Variants in RBM44 observed in about 807,000 individuals in gnomAD.
The protein encoded by RBM44 is RNA-binding protein 44.
Under a neutral mutation model 105.1 loss-of-function variants are expected in RBM44, and 66 were observed. The observed-to-expected ratio is 0.63, with a 90% CI of 0.52 to 0.77. The LOEUF is 0.77. Ranked by LOEUF, RBM44 falls within the 30% of genes least tolerant of loss-of-function variation. The probability of loss-of-function intolerance (pLI) is 0.00; values close to 1 mark genes in which losing one functional copy is unlikely to be tolerated. For synonymous variants in RBM44, 365 were observed against 417.6 expected (o/e 0.87, Z 1.54); for missense variants, 1,122 against 1,207.8 (o/e 0.93, Z 1.05).
chr2:237,817,474 G>T lies in RBM44; in HGVS notation c.555G>T (p.Gln185His). The change falls in exon 3 of 16, where the codon CAG (glutamine) becomes CAT (histidine). Residue 185 changes from glutamine to histidine, a missense_variant. Around this residue, in one of 3 missense-constraint regions of RBM44, gnomAD observed 918 missense variants for 955.3 expected, o/e 0.96. Transcript: ENST00000316997. ...AGCATGATACAGATGAAGACTCACA[G>T]CAGGAATATCACAGTGCAGAAGAAC... Reference protein sequence around the residue: ...TQKHDTDEDSQQEYHSAEEQE... With the variant: ...TQKHDTDEDSHQEYHSAEEQE... 1 of 1,602,612 alleles carries T rather than the reference G, an allele frequency of 6.2e-7. No individual in the cohort carries two copies. The highest frequency in any genetic ancestry group is 8.5e-7 in the Non-Finnish European group (1 of 1,173,774).
At chr2:237,821,505 C>A in intron 7 of RBM44, 137 bp downstream of exon 7, 1 of 784,688 alleles carries the variant, frequency 1.3e-6, no homozygotes, top group Non-Finnish European at 2.1e-6. Flanking sequence ...TTTTTCTTGA[C>A]ATTTAATATT....
Position 237,827,239 on chromosome 2 carries a change from T to C in RBM44, c.2450-11T>C. 1 of 1,459,402 alleles carries C rather than the reference T, an allele frequency of 6.9e-7. No individual in the cohort carries two copies. The highest frequency in any genetic ancestry group is 9.5e-7 in the Non-Finnish European group (1 of 1,055,400). 90.4% of individuals were successfully genotyped at this position (1,459,402 alleles called of 1,614,324 possible). A position where few individuals can be genotyped will look rare whatever the true frequency, so the allele number is the denominator to read the frequency against. On this transcript the variant is annotated splice_polypyrimidine_tract_variant and intron_variant, in intron 10 of 15. Transcript: ENST00000316997. ...AAAGATCATTTCTGTTACATGTTTT[T>C]CTCTAAGCAGAAATGAAGAATGTTG...
intron 1 of RBM44, among the ~76,000 whole-genome samples, chr2:237,805,045 G>A (rs2061584856): frequency 6.6e-6 from 1 of 152,140 alleles, no homozygotes; most frequent in African/African-American, 2.4e-5. Flanking sequence ...AGGAAGAGAG[G>A]AAGTCAAACT....
rs952941233 is a variant in RBM44, at chr2:237,803,643, A to G, written c.-19+4782A>G. ...AGTTTCTTAATTTTGCTGAATCCCA[A>G]TCAACAACTTTTAAATCAACACCTT... On this transcript the variant is annotated intron_variant, in intron 1 of 15. Transcript: ENST00000316997. This position sits in a 1 kb window ranked among gnomAD's most constrained non-coding sequence, Gnocchi z 4.2. 2.0e-5 allele frequency among the ~76,000 whole-genome samples: 3 copies of G among 152,172 alleles called. No homozygotes were observed. Among genetic ancestry groups the G allele is most frequent in the African/African-American group, 4.8e-5 (2 of 41,442 alleles).
At chr2:237,836,781 A>G (rs76681855) in intron 15 of RBM44, among the ~76,000 whole-genome samples, 1 of 148,746 alleles carries the variant, frequency 6.7e-6, no homozygotes, top group Non-Finnish European at 1.5e-5. Context: ...TCCGTCTCAA[A>G]AAAAAAAAAA....
chr2:237,819,120 A>G (rs1326647537), intron 4 of RBM44, among the ~76,000 whole-genome samples, 161 bp downstream of exon 4: 3 of 152,122 alleles, frequency 2.0e-5, no homozygotes, highest in Non-Finnish European at 4.4e-5. Flanking sequence ...TTAAAACAAT[A>G]TAGAATATTA....
chr2:237,810,820 TAGG>T (rs2150971734), intron 1 of RBM44, among the ~76,000 whole-genome samples: 1 of 152,212 alleles, frequency 6.6e-6, no homozygotes, highest in Non-Finnish European at 1.5e-5. Context: ...ATAGGATGCT[TAGG>T]AGGATCTGAG....
chr2:237,823,591 G>A, intron 9 of RBM44, 37 bp downstream of exon 9: 1 of 942,450 alleles, frequency 1.1e-6, no homozygotes, highest in South Asian at 1.5e-5. Context: ...ATAGTTGCTG[G>A]AAAACAAAAT....
At chr2:237,823,836 TTGTG>T (rs2061819117) in intron 9 of RBM44, among the ~76,000 whole-genome samples, 2 of 152,124 alleles carry the variant, frequency 1.3e-5, no homozygotes, top group Admixed American at 1.3e-4. Context: ...TCTCTGTAAA[TTGTG>T]TGCATTTTTA....
At position 237,800,015 on chromosome 2, in the gene RBM44, G is replaced by A. The variant is rs145074829; in HGVS notation, c.-19+1154G>A. ...GCATGTACCTAGGAGTGGAATTGCT[G>A]GATCATGTGGTTGTCTTGTGTTTAA... On this transcript the variant is annotated intron_variant, in intron 1 of 15. Transcript: ENST00000316997. Among the ~76,000 whole-genome samples the A allele has an allele frequency of 5.2e-3, 790 of 152,270 alleles. 7 individuals carry two copies. The highest frequency in any genetic ancestry group is 0.017 in the African/African-American group (714 of 41,550).
At chr2:237,831,886 A>C (rs1228815304) in intron 13 of RBM44, among the ~76,000 whole-genome samples, 1 of 152,158 alleles carries the variant, frequency 6.6e-6, no homozygotes, top group African/African-American at 2.4e-5. Context: ...AAGGAAGGAA[A>C]TAAAGTGCAG....
rs772201150 is a variant in RBM44 at position 237,818,912 on chromosome 2, A to G, written c.1689A>G (p.Glu563=). 6.8e-6 allele frequency: 10 copies of G among 1,475,136 alleles called. No individual in the cohort carries two copies. Among genetic ancestry groups the G allele is most frequent in the Non-Finnish European group, 9.2e-6 (10 of 1,084,870 alleles). The allele number at this position is 1,475,136 out of a possible 1,614,324, so 91.4% of individuals were successfully genotyped here. A position where few individuals can be genotyped will look rare whatever the true frequency, so the allele number is the denominator to read the frequency against. Residue 563 remains glutamate, a synonymous_variant, in exon 4 of 16, where the codon GAA becomes GAG. Coordinates refer to ENST00000316997, the MANE Select transcript of RBM44 (RefSeq NM_001080504.3). This position sits in a 1 kb window ranked among gnomAD's most constrained non-coding sequence, Gnocchi z 4.6. The part of the protein sequence containing the change: ...NGNFLNKDFL[E]LRKACGITDL... ...AATCATATTTTCAGGATTTCCTGGA[A>G]TTAAGAAAAGCATGTGGTATCACAG...
chr2:237,839,256 G>A (rs2061987852), intron 15 of RBM44, among the ~76,000 whole-genome samples: 1 of 152,026 alleles, frequency 6.6e-6, no homozygotes, highest in Non-Finnish European at 1.5e-5. Flanking sequence ...CTTTTTTTGG[G>A]TGTGGGGAGG....
chr2:237,817,056 A>G lies in RBM44; in HGVS notation c.137A>G (p.Lys46Arg), dbSNP rs369982689. The G allele has an allele frequency of 4.4e-5, 71 of 1,596,594 alleles. No homozygotes were observed. Among genetic ancestry groups the G allele is most frequent in the Non-Finnish European group, 6.1e-5 (71 of 1,173,216 alleles). The change falls in exon 3 of 16, where the codon AAA (lysine) becomes AGA (arginine). Residue 46 changes from lysine (K) to arginine (R), a missense_variant. Lys to Arg is a conservative substitution (Grantham distance 26). Transcript: ENST00000316997. ...TCCTCCAATGGTTGTGATGAAGTCA[A>G]ATTGACTTTTCCTGATGATGACTGG... Reference protein sequence around the residue: ...LLSSNGCDEVKLTFPDDDWNS... With the variant: ...LLSSNGCDEVRLTFPDDDWNS...
chr2:237,838,448 A>G (rs2061980203), intron 15 of RBM44, among the ~76,000 whole-genome samples: 1 of 152,244 alleles, frequency 6.6e-6, no homozygotes, highest in African/African-American at 2.4e-5. Context: ...TACAGGAGAC[A>G]TGAAGATCAA....
chr2:237,831,572 C>T (rs2150988083), intron 13 of RBM44, among the ~76,000 whole-genome samples: 1 of 152,284 alleles, frequency 6.6e-6, no homozygotes, highest in South Asian at 2.1e-4. Context: ...CCTGAGCCAC[C>T]ACACCCAGCC....
chr2:237,837,968 A>G (rs532614906), intron 15 of RBM44, among the ~76,000 whole-genome samples: 1 of 148,872 alleles, frequency 6.7e-6, no homozygotes, highest in South Asian at 2.1e-4. Context: ...ATTGACTCCA[A>G]TTTTGAAAGA....
At chr2:237,808,155 A>T (rs1368590862) in intron 1 of RBM44, among the ~76,000 whole-genome samples, 1 of 152,172 alleles carries the variant, frequency 6.6e-6, no homozygotes, top group Non-Finnish European at 1.5e-5. Flanking sequence ...ATCATACATT[A>T]AAAATGGCAT....
chr2:237,818,058 C>T lies in RBM44; in HGVS notation c.1139C>T (p.Ser380Phe), dbSNP rs767996517. ...CAACCCTGTAAAGATTGTCAAACTT[C>T]CTGGACCTCTGTTTTTGATGATTCG... ...LLQPCKDCQT[S>F]WTSVFDDSII... The change falls in exon 3 of 16, where the codon TCC (serine) becomes TTC (phenylalanine). Residue 380 changes from serine (S) to phenylalanine (F), a missense_variant. By Grantham distance (155) the Ser-to-Phe change is radical. This residue lies in a region of RBM44 where 918 missense variants were observed against 955.3 expected (regional missense o/e 0.96). Transcript: ENST00000316997. This position sits in a 1 kb window ranked among gnomAD's most constrained non-coding sequence, Gnocchi z 4.6. 1 of 1,612,940 alleles carries T rather than the reference C, an allele frequency of 6.2e-7. No individual in the cohort carries two copies. Among genetic ancestry groups the T allele is most frequent in the South Asian group, 1.1e-5 (1 of 91,018 alleles).
Sources: allele counts gnomAD v4.1 joint callset (sites outside exome capture counted in the v4.1 genomes callset), GRCh38; gene constraint gnomAD v4.1.1; regional missense constraint gnomAD v4.1.1; non-coding constraint Gnocchi (gnomAD v3.1); transcripts MANE v1.5; gene names NCBI Gene and HGNC (gene_info 2026-07-23, HGNC 2026-07-21).